SHANK2: variants seen among roughly 807,000 people sequenced by gnomAD.
SHANK2 encodes the protein SH3 and multiple ankyrin repeat domains protein 2.
A neutral mutation model predicts 133.7 loss-of-function variants in SHANK2; 43 were observed. The ratio of observed to expected loss-of-function variants is 0.32; its 90% CI spans 0.25 to 0.41. The LOEUF is 0.41. Among genes scored for constraint, SHANK2 ranks in the 10% least tolerant of loss-of-function variants. The pLI is 1.00. For missense variants in SHANK2, 1,994 were observed against 2,235.8 expected, an observed-to-expected ratio of 0.89 and a Z score of 2.18; for synonymous variants, 1,017 against 952.8, an observed-to-expected ratio of 1.07 and a Z score of -1.24.
intron 17 of SHANK2, among the ~76,000 whole-genome samples, chr11:70,602,828 A>C (rs1554991331): frequency 6.6e-6 from 1 of 152,264 alleles, no homozygotes; most frequent in Non-Finnish European, 1.5e-5. Flanking sequence ...AAATACATGC[A>C]TGATGTATGT....
At chr11:70,892,845 A>C (rs2135639579) in intron 11 of SHANK2, among the ~76,000 whole-genome samples, 1 of 152,262 alleles carries the variant, frequency 6.6e-6, no homozygotes, top group Admixed American at 6.5e-5. Context: ...CATAATGACC[A>C]GGCACACCCT....
At chr11:71,241,966 G>A (rs1175642094) in intron 1 of SHANK2, among the ~76,000 whole-genome samples, 1 of 152,194 alleles carries the variant, frequency 6.6e-6, no homozygotes, top group African/African-American at 2.4e-5. Context: ...ATTCACAACA[G>A]CCAGAGGGTG....
Position 70,473,535 on chromosome 11 carries a change from A to C in SHANK2, c.4980-96T>G. On this transcript the variant is annotated intron_variant, in intron 25 of 25. Transcript: ENST00000601538. This position sits in a 1 kb window ranked among gnomAD's most constrained non-coding sequence, Gnocchi z 5.9. ...CCAGGAAGGCGAGGGAGACGCCCAAACCATGCCAGAGTGTCTAGTGGCAGA... is the reference window on the plus strand; with the variant it reads ...CCAGGAAGGCGAGGGAGACGCCCAACCCATGCCAGAGTGTCTAGTGGCAGA... 1 of 1,216,386 alleles carries C rather than the reference A, an allele frequency of 8.2e-7. No homozygotes were observed. The allele number at this position is 1,216,386 out of a possible 1,614,324, so 75.3% of individuals were successfully genotyped here.
At chr11:70,605,581 T>A (rs570962082) in intron 17 of SHANK2, among the ~76,000 whole-genome samples, 9 of 152,348 alleles carry the variant, frequency 5.9e-5, no homozygotes, top group African/African-American at 2.2e-4. Context: ...TTTTAGCCAT[T>A]TCCACTCTAC....
intron 11 of SHANK2, among the ~76,000 whole-genome samples, chr11:70,889,535 A>G (rs1372230559): frequency 6.6e-6 from 1 of 152,206 alleles, no homozygotes; most frequent in Non-Finnish European, 1.5e-5. Context: ...GCAGGTCCTG[A>G]GAAGCAAAGG....
Position 70,599,481 on chromosome 11 carries a change from C to T in SHANK2, c.2061+60347G>A, listed in dbSNP as rs1475781066. On this transcript the variant is annotated intron_variant, in intron 17 of 25. Coordinates refer to ENST00000601538, the MANE Select transcript of SHANK2 (RefSeq NM_012309.5). ...AATTAGCCGGGCGAGGTGGCGGGCG[C>T]CTGTAGTCCCAGCTACTCGGGAGGC... 3.2e-4 allele frequency among the ~76,000 whole-genome samples: 43 copies of T among 135,426 alleles called. 1 individual carries two copies. The highest frequency in any genetic ancestry group is 1.1e-3 in the African/African-American group (43 of 38,064). 88.8% of individuals were successfully genotyped at this position (135,426 alleles called of 152,430 possible).
chr11:70,832,782 G>A (rs983042511), intron 11 of SHANK2, among the ~76,000 whole-genome samples: 2 of 150,408 alleles, frequency 1.3e-5, no homozygotes, highest in Non-Finnish European at 3.0e-5. Flanking sequence ...CTTGGGCTAA[G>A]CCACAGCCAC....
chr11:71,124,851 G>A (rs190266536), intron 3 of SHANK2, among the ~76,000 whole-genome samples: 26 of 152,256 alleles, frequency 1.7e-4, no homozygotes, highest in African/African-American at 5.8e-4. Context: ...CGGCAACTCC[G>A]CAACGAGAAA....
At chr11:70,488,651 G>A (rs547501695) in intron 24 of SHANK2, among the ~76,000 whole-genome samples, 9 of 152,360 alleles carry the variant, frequency 5.9e-5, no homozygotes, top group African/African-American at 2.2e-4. Flanking sequence ...CCAGGCCTCA[G>A]TGAGCCCCTT....
At chr11:70,810,373 G>A (rs1948253442) in intron 12 of SHANK2, among the ~76,000 whole-genome samples, 1 of 152,222 alleles carries the variant, frequency 6.6e-6, no homozygotes, top group African/African-American at 2.4e-5. Context: ...GAGCTGGGAG[G>A]GGTGGGAGCC....
At chr11:70,843,832 G>C (rs1948953418) in intron 11 of SHANK2, among the ~76,000 whole-genome samples, 2 of 152,160 alleles carry the variant, frequency 1.3e-5, no homozygotes, top group South Asian at 2.1e-4. Flanking sequence ...AACTGCTCCA[G>C]CCCTCCCAAT....
chr11:71,137,632 C>T (rs551027551), intron 3 of SHANK2, among the ~76,000 whole-genome samples: 6 of 152,282 alleles, frequency 3.9e-5, no homozygotes, highest in East Asian at 3.9e-4. Context: ...GAAGCCCTCC[C>T]GCCACCCACT....
rs184843485 is a variant in SHANK2 at position 71,198,047 on chromosome 11, G to A, written c.-13+26650C>T. Among the ~76,000 whole-genome samples, 247 of 152,298 alleles carry A rather than the reference G, an allele frequency of 1.6e-3. 1 individual carries two copies. The highest frequency in any genetic ancestry group is 6.8e-4 in the Non-Finnish European group (46 of 68,026). On this transcript the variant is annotated intron_variant, in intron 2 of 25. Coordinates refer to ENST00000601538, the MANE Select transcript of SHANK2 (RefSeq NM_012309.5). ...TTGCCGAAGCTTCACTCTGTGTGCC[G>A]TTTCCGGTCAGCTCCACACCCAGCC...
intron 11 of SHANK2, among the ~76,000 whole-genome samples, chr11:70,848,765 C>A (rs544300195): frequency 1.2e-4 from 18 of 152,314 alleles, no homozygotes; most frequent in Admixed American, 1.1e-3. Context: ...TGTACCACGT[C>A]CAGTGATGCA....
intron 2 of SHANK2, among the ~76,000 whole-genome samples, chr11:71,184,885 C>T (rs984666885): frequency 6.6e-5 from 10 of 152,146 alleles, no homozygotes; most frequent in Non-Finnish European, 1.3e-4. Context: ...CCACTACTAC[C>T]CAGATGCACC....
At chr11:70,515,499 A>G (rs1177573380) in intron 17 of SHANK2, among the ~76,000 whole-genome samples, 3 of 151,886 alleles carry the variant, frequency 2.0e-5, no homozygotes, top group African/African-American at 7.3e-5. Context: ...CTTTCAATCT[A>G]TCTTTCAAAT....
intron 17 of SHANK2, among the ~76,000 whole-genome samples, chr11:70,601,066 T>TATCTATATCTAC (rs1182435902): frequency 2.8e-4 from 40 of 142,534 alleles, no homozygotes; most frequent in African/African-American, 9.8e-4. Context: ...TCTATATCTA[T>TATCTATATCTAC]ATTTGAGATG....
chr11:70,652,257 G>T (rs2061347247), intron 17 of SHANK2, among the ~76,000 whole-genome samples: 1 of 151,990 alleles, frequency 6.6e-6, no homozygotes, highest in Non-Finnish European at 1.5e-5. Flanking sequence ...GGTGGGACAG[G>T]TACCTCTATT....
At chr11:70,905,660 T>C (rs782767740) in intron 10 of SHANK2, among the ~76,000 whole-genome samples, 29 of 152,078 alleles carry the variant, frequency 1.9e-4, no homozygotes, top group Non-Finnish European at 3.4e-4. Context: ...CCTTCCGCCA[T>C]GTGAGGACAC....
Sources: allele counts gnomAD v4.1 joint callset (sites outside exome capture counted in the v4.1 genomes callset), GRCh38; gene constraint gnomAD v4.1.1; non-coding constraint Gnocchi (gnomAD v3.1); transcripts MANE v1.5; gene names NCBI Gene and HGNC (gene_info 2026-07-23, HGNC 2026-07-21).